Variants in FXR1 observed in about 807,000 individuals in gnomAD.
The protein encoded by FXR1 is FMR1 autosomal homolog 1.
A neutral mutation model predicts 84.0 loss-of-function variants in FXR1; 15 were observed. That is an observed-to-expected ratio of 0.18 (90% CI 0.12 to 0.27). The LOEUF (loss-of-function observed/expected upper bound fraction) is 0.27. FXR1 is among the 10% of genes least tolerant of loss of function. The pLI is 1.00. For synonymous variants in FXR1, 245 were observed against 250.7 expected, an observed-to-expected ratio of 0.98 and a Z score of 0.21; for missense variants, 480 against 774.4, an observed-to-expected ratio of 0.62 and a Z score of 4.51.
chr3:180,918,375 C>CAAT (rs71629928), intron 1 of FXR1, among the ~76,000 whole-genome samples: 25,990 of 152,048 alleles, frequency 0.17, 2,449 homozygotes, highest in South Asian at 0.25. Context: ...TGGTCTCAAG[C>CAAT]AATACTCCCA....
At chr3:180,928,042 C>T (rs1276689651) in intron 1 of FXR1, among the ~76,000 whole-genome samples, 1 of 150,204 alleles carries the variant, frequency 6.7e-6, no homozygotes, top group Non-Finnish European at 1.5e-5. Flanking sequence ...GCCTTCCTTA[C>T]TGCAAGTTAT....
At position 180,981,344 on chromosome 3, in the gene FXR1, A is replaced by C. The variant is rs1311017948; in HGVS notation, c.*5052A>C. On this transcript the variant is annotated 3_prime_UTR_variant, in exon 17 of 17. Coordinates refer to ENST00000357559, the MANE Select transcript of FXR1 (RefSeq NM_005087.4). Reference sequence around the variant, plus strand: ...AGAAGCTAGTTCCCTAATTTTTCTCAGTTCTCATTGGTTTTCCATTTAAAT... The same window carrying C: ...AGAAGCTAGTTCCCTAATTTTTCTCCGTTCTCATTGGTTTTCCATTTAAAT... The C allele has an allele frequency of 1.3e-5, 2 of 152,002 alleles. No individual in the cohort carries two copies. The highest frequency in any genetic ancestry group is 1.3e-4 in the Admixed American group (2 of 15,240). The allele number at this position is 152,002 out of a possible 1,614,324, so 9.4% of individuals were successfully genotyped here. A position where few individuals can be genotyped will look rare whatever the true frequency, so the allele number is the denominator to read the frequency against.
chr3:180,926,009 A>T (rs1719136053), intron 1 of FXR1, among the ~76,000 whole-genome samples: 1 of 152,190 alleles, frequency 6.6e-6, no homozygotes, highest in Non-Finnish European at 1.5e-5. Context: ...TCTAATAAAG[A>T]AGGATTTATT....
chr3:180,921,502 G>A (rs114815986), intron 1 of FXR1, among the ~76,000 whole-genome samples: 87 of 152,150 alleles, frequency 5.7e-4, no homozygotes, highest in African/African-American at 2.1e-3. Context: ...ATTTAGTTGC[G>A]TAGATCTTTT....
At chr3:180,913,374 G>A (rs1170157063) in intron 1 of FXR1, among the ~76,000 whole-genome samples, 3 of 152,148 alleles carry the variant, frequency 2.0e-5, no homozygotes, top group Non-Finnish European at 2.9e-5. Flanking sequence ...ATTGGGCGGC[G>A]CCTTAGCCCC....
intron 1 of FXR1, among the ~76,000 whole-genome samples, chr3:180,925,681 A>G (rs1199965542): frequency 6.6e-6 from 1 of 152,186 alleles, no homozygotes; most frequent in East Asian, 1.9e-4. Context: ...AAGCATCCTG[A>G]TTTCAGAGAT....
rs1338151922 is a variant in FXR1 at position 180,982,293 on chromosome 3, A to G, written c.*6001A>G. The G allele has an allele frequency of 1.3e-5, 2 of 151,940 alleles. No homozygotes were observed. The highest frequency in any genetic ancestry group is 2.9e-5 in the Non-Finnish European group (2 of 67,924). 9.4% of individuals were successfully genotyped at this position (151,940 alleles called of 1,614,324 possible). On this transcript the variant is annotated 3_prime_UTR_variant, in exon 17 of 17. Coordinates refer to ENST00000357559, the MANE Select transcript of FXR1 (RefSeq NM_005087.4). ...GTATTTTGTAAGAAAATACCAGCAA[A>G]AGATAAAAGTTTTTTTATGGATCGT...
chr3:180,916,509 G>A (rs984672197), intron 1 of FXR1, among the ~76,000 whole-genome samples: 1 of 152,236 alleles, frequency 6.6e-6, no homozygotes, highest in Non-Finnish European at 1.5e-5. Context: ...CCAGGTTCAA[G>A]TGATTCTCCT....
intron 13 of FXR1, among the ~76,000 whole-genome samples, chr3:180,963,974 T>G (rs570889570): frequency 5.3e-5 from 8 of 152,178 alleles, no homozygotes; most frequent in Non-Finnish European, 1.2e-4. Flanking sequence ...GTAAGGCATT[T>G]AAGGAAAATA....
Position 180,978,786 on chromosome 3 carries a change from C to T in FXR1, c.*2494C>T, listed in dbSNP as rs1714456040. On this transcript the variant is annotated 3_prime_UTR_variant, in exon 17 of 17. Coordinates refer to ENST00000357559, the MANE Select transcript of FXR1 (RefSeq NM_005087.4). ...TATATATGTGAATTCATATATGACA[C>T]CTGAACGGAATCATGAAGTAACAGC... The T allele has an allele frequency of 6.6e-6, 1 of 152,002 alleles. No individual in the cohort carries two copies. Among genetic ancestry groups the T allele is most frequent in the African/African-American group, 2.4e-5 (1 of 41,386 alleles). The allele number at this position is 152,002 out of a possible 1,614,324, so 9.4% of individuals were successfully genotyped here. A position where few individuals can be genotyped will look rare whatever the true frequency, so the allele number is the denominator to read the frequency against.
chr3:180,949,479 C>T (rs532533281), intron 7 of FXR1, 136 bp downstream of exon 7: 21 of 653,738 alleles, frequency 3.2e-5, no homozygotes, highest in Non-Finnish European at 3.9e-5. Flanking sequence ...CTCCACCTCC[C>T]GGATTCAAGC....
chr3:180,976,179 A>C lies in FXR1; in HGVS notation c.1753A>C (p.Ser585Arg). The change falls in exon 17 of 17, where the codon AGT becomes CGT. Residue 585 changes from serine (S) to arginine (R), a missense_variant. Ser to Arg is a moderately radical substitution (Grantham distance 110, BLOSUM62 -1). Coordinates refer to ENST00000357559, the MANE Select transcript of FXR1 (RefSeq NM_005087.4). ...AGAAAAGGCAATAAACGGCCCAACT[A>C]GTGCTTCTGGCGATGACATTTCTAA... ...PSEKAINGPT[S>R]ASGDDISKLQ... The C allele has an allele frequency of 6.2e-7, 1 of 1,613,262 alleles. No individual in the cohort carries two copies. Among genetic ancestry groups the C allele is most frequent in the Non-Finnish European group, 8.5e-7 (1 of 1,179,258 alleles).
At chr3:180,917,668 G>GC (rs1284645289) in intron 1 of FXR1, among the ~76,000 whole-genome samples, 5 of 152,090 alleles carry the variant, frequency 3.3e-5, no homozygotes, top group African/African-American at 1.2e-4. Flanking sequence ...GTCAACTTAG[G>GC]CCGGGCGCCG....
rs184031096 is a variant in FXR1, at chr3:180,982,350, C to T, written c.*6058C>T. On this transcript the variant is annotated 3_prime_UTR_variant, in exon 17 of 17. Transcript: ENST00000357559. The stretch of plus-strand genomic sequence containing the variant: ...ATCAATCACCTACATGATCTAGAGC[C>T]CTCACATGGATAACATTTAAATGTT... 1.1e-3 allele frequency: 166 copies of T among 151,998 alleles called. No individual in the cohort carries two copies. The highest frequency in any genetic ancestry group is 3.9e-3 in the African/African-American group (160 of 41,498). 9.4% of individuals were successfully genotyped at this position (151,998 alleles called of 1,614,324 possible). A position where few individuals can be genotyped will look rare whatever the true frequency, so the allele number is the denominator to read the frequency against.
At position 180,963,024 on chromosome 3, in the gene FXR1, C is replaced by A; in HGVS notation, c.1136-4C>A. ...TGATGAAAGTACCGTCTCTTCTGTACAAGGTTCTAGGTCTTATAGCGGAAG... is the reference window on the plus strand; with the variant it reads ...TGATGAAAGTACCGTCTCTTCTGTAAAAGGTTCTAGGTCTTATAGCGGAAG... On this transcript the variant is annotated splice_polypyrimidine_tract_variant and splice_region_variant and intron_variant, in intron 12 of 16. Transcript: ENST00000357559. 6.2e-7 allele frequency: 1 copy of A among 1,607,230 alleles called. No individual in the cohort carries two copies. The highest frequency in any genetic ancestry group is 8.5e-7 in the Non-Finnish European group (1 of 1,174,450).
chr3:180,917,591 C>T (rs575853522), intron 1 of FXR1, among the ~76,000 whole-genome samples: 18 of 152,004 alleles, frequency 1.2e-4, no homozygotes, highest in Admixed American at 2.6e-4. Flanking sequence ...AGTTGCAAAA[C>T]GTGGAGGGGA....
chr3:180,926,607 C>T (rs1719258567), intron 1 of FXR1, among the ~76,000 whole-genome samples: 1 of 150,120 alleles, frequency 6.7e-6, no homozygotes, highest in African/African-American at 2.5e-5. Context: ...ATGAGAGTTA[C>T]ACTTTTAGGG....
chr3:180,946,102 A>T (rs1281277075), intron 3 of FXR1, among the ~76,000 whole-genome samples: 1 of 152,214 alleles, frequency 6.6e-6, no homozygotes, highest in Non-Finnish European at 1.5e-5. Context: ...TGAGTGAAAA[A>T]AATTCATAAT....
chr3:180,960,999 A>G (rs1712032372), intron 10 of FXR1, among the ~76,000 whole-genome samples: 1 of 152,094 alleles, frequency 6.6e-6, no homozygotes, highest in Admixed American at 6.6e-5. Flanking sequence ...GAAGTTTAGT[A>G]CATGTAAATT....
Sources: allele counts gnomAD v4.1 joint callset (sites outside exome capture counted in the v4.1 genomes callset), GRCh38; gene constraint gnomAD v4.1.1; transcripts MANE v1.5; gene names NCBI Gene and HGNC (gene_info 2026-07-23, HGNC 2026-07-21).